Variants in HIP1 observed in about 807,000 individuals in gnomAD.
HIP1 encodes the protein huntingtin interacting protein 1.
Under a neutral mutation model 147.6 loss-of-function variants are expected in HIP1, and 65 were observed. The ratio of observed to expected loss-of-function variants is 0.44; its 90% confidence interval spans 0.36 to 0.54. The LOEUF is 0.54. Ranked by LOEUF, HIP1 falls within the 20% of genes least tolerant of loss-of-function variation. The pLI, the probability that HIP1 is intolerant of heterozygous loss-of-function variation, is 0.00. For missense variants in HIP1, 1,061 were observed against 1,299.6 expected (o/e 0.82, Z 2.82); for synonymous variants, 479 against 504.0 (o/e 0.95, Z 0.67).
intron 1 of HIP1, among the ~76,000 whole-genome samples, chr7:75,645,343 C>T (rs182706017): frequency 1.1e-3 from 171 of 152,254 alleles, no homozygotes; most frequent in Non-Finnish European, 1.3e-4. Flanking sequence ...TCTCCTGCCT[C>T]AGCCTCCCGA....
rs782165669 is a variant in HIP1, at chr7:75,536,382, A to G, written c.*1790T>C. 14 of 221,110 alleles carry G rather than the reference A, an allele frequency of 6.3e-5. No homozygotes were observed. The highest frequency in any genetic ancestry group is 1.1e-4 in the Non-Finnish European group (12 of 110,320). 13.7% of individuals were successfully genotyped at this position (221,110 alleles called of 1,614,324 possible). ...GCTAGGGAGATGGGGGTTGGTTCACAGTGATCAAACAGAAGTCTCACAACC... is the reference window on the plus strand; with the variant it reads ...GCTAGGGAGATGGGGGTTGGTTCACGGTGATCAAACAGAAGTCTCACAACC... On this transcript the variant is annotated 3_prime_UTR_variant, in exon 31 of 31. Transcript: ENST00000336926.
At chr7:75,567,675 C>T (rs1160715143) in intron 9 of HIP1, among the ~76,000 whole-genome samples, 2 of 147,802 alleles carry the variant, frequency 1.4e-5, no homozygotes, top group Admixed American at 1.3e-4. Context: ...GTGGTGTGTG[C>T]CTGTAGTCTC....
At chr7:75,684,230 G>A (rs1055319114) in intron 1 of HIP1, among the ~76,000 whole-genome samples, 5 of 151,624 alleles carry the variant, frequency 3.3e-5, no homozygotes, top group Non-Finnish European at 5.9e-5. Context: ...GTGGATCGCC[G>A]GAGCTTAGGA....
At chr7:75,615,949 G>T (rs1797637876) in intron 1 of HIP1, among the ~76,000 whole-genome samples, 1 of 151,452 alleles carries the variant, frequency 6.6e-6, no homozygotes, top group South Asian at 2.1e-4. Flanking sequence ...AGCTGGGTGT[G>T]ATGGTGCGCA....
Position 75,738,711 on chromosome 7 carries a change from C to A in HIP1, c.120+90G>T, listed in dbSNP as rs565155129. On this transcript the variant is annotated intron_variant, in intron 1 of 30. Transcript: ENST00000336926. ...ACCCTCGCCCCGTCTTCAACTGGGG[C>A]CTGCAAGACTCCTACTCCCTTCAAA... is the stretch of plus-strand genomic sequence containing the variant. 7 of 1,421,020 alleles carry A rather than the reference C, an allele frequency of 4.9e-6. No individual in the cohort carries two copies. In the African/African-American group the frequency reaches 7.2e-5, roughly 15 times the overall value. The allele number at this position is 1,421,020 out of a possible 1,614,324, so 88.0% of individuals were successfully genotyped here.
intron 1 of HIP1, among the ~76,000 whole-genome samples, chr7:75,681,596 TC>T (rs1249733606): frequency 6.8e-6 from 1 of 147,442 alleles, no homozygotes; most frequent in Non-Finnish European, 1.5e-5. Context: ...AGCCTCGACA[TC>T]CCAGGCTCAA....
At chr7:75,699,287 G>GT (rs1800741064) in intron 1 of HIP1, among the ~76,000 whole-genome samples, 1 of 152,006 alleles carries the variant, frequency 6.6e-6, no homozygotes, top group African/African-American at 2.4e-5. Context: ...TGAACAGGAT[G>GT]TTTTCTACTA....
chr7:75,664,251 TAC>T (rs1232970655), intron 1 of HIP1, among the ~76,000 whole-genome samples: 1 of 147,422 alleles, frequency 6.8e-6, no homozygotes. Context: ...ACATACTATA[TAC>T]ACACATATAT....
At chr7:75,663,288 A>G (rs1584930791) in intron 1 of HIP1, among the ~76,000 whole-genome samples, 4 of 152,196 alleles carry the variant, frequency 2.6e-5, no homozygotes, top group Admixed American at 2.6e-4. Context: ...AAACTCAAAG[A>G]CAGATCATTT....
At chr7:75,709,856 T>C (rs1801116245) in intron 1 of HIP1, among the ~76,000 whole-genome samples, 1 of 152,118 alleles carries the variant, frequency 6.6e-6, no homozygotes. Flanking sequence ...GATAGTTTCC[T>C]CTATTCCTAG....
chr7:75,538,082 A>G lies in HIP1; in HGVS notation c.*90T>C. On this transcript the variant is annotated 3_prime_UTR_variant, in exon 31 of 31. Transcript: ENST00000336926. Reference sequence around the variant, plus strand: ...TGGCAGTGGTGTGGCTGCCCCTGGGACTCCAAGGATTTGGCCTGTGGCTGG... The same window carrying G: ...TGGCAGTGGTGTGGCTGCCCCTGGGGCTCCAAGGATTTGGCCTGTGGCTGG... 1.9e-6 allele frequency: 2 copies of G among 1,037,284 alleles called. No homozygotes were observed. Among genetic ancestry groups the G allele is most frequent in the Non-Finnish European group, 3.1e-6 (2 of 654,370 alleles). The allele number at this position is 1,037,284 out of a possible 1,614,324, so 64.3% of individuals were successfully genotyped here.
chr7:75,737,092 T>C (rs1011785964), intron 1 of HIP1, among the ~76,000 whole-genome samples: 1 of 152,064 alleles, frequency 6.6e-6, no homozygotes, highest in Non-Finnish European at 1.5e-5. Context: ...AGGATAATTT[T>C]AAAATTTTTT....
At chr7:75,601,622 A>AG (rs781793392) in intron 1 of HIP1, among the ~76,000 whole-genome samples, 2 of 108,540 alleles carry the variant, frequency 1.8e-5, no homozygotes, top group African/African-American at 5.9e-5. Context: ...ACAACAAAAA[A>AG]AAAAAGAAAA....
chr7:75,555,025 C>A (rs1449654905), intron 19 of HIP1, among the ~76,000 whole-genome samples: 3 of 151,688 alleles, frequency 2.0e-5, no homozygotes, highest in Non-Finnish European at 4.4e-5. Context: ...GAGCAACAAA[C>A]CGAAACCAAA....
chr7:75,552,946 C>CT (rs1277559303), intron 22 of HIP1, among the ~76,000 whole-genome samples: 14 of 141,780 alleles, frequency 9.9e-5, no homozygotes, highest in South Asian at 2.3e-4. Flanking sequence ...TCAAGTGATC[C>CT]TTTTTTTTTT....
chr7:75,549,054 C>T, intron 22 of HIP1, 53 bp from the exon 23 acceptor site: 1 of 1,260,850 alleles, frequency 7.9e-7, no homozygotes, highest in South Asian at 1.2e-5. Flanking sequence ...TGTCTCTTCT[C>T]CTCTGCCATC....
intron 1 of HIP1, among the ~76,000 whole-genome samples, chr7:75,599,885 G>C (rs183651546): frequency 1.3e-5 from 2 of 148,836 alleles, no homozygotes; most frequent in East Asian, 2.0e-4. Flanking sequence ...ACCCAGGCTG[G>C]AGTGCAGTGG....
chr7:75,648,712 G>A (rs183276713), intron 1 of HIP1, among the ~76,000 whole-genome samples: 1 of 152,138 alleles, frequency 6.6e-6, no homozygotes, highest in Non-Finnish European at 1.5e-5. Context: ...CTTCAAGAAG[G>A]GGGCAAGGAG....
chr7:75,602,685 A>G (rs587615504), intron 1 of HIP1, among the ~76,000 whole-genome samples: 4 of 150,910 alleles, frequency 2.7e-5, no homozygotes, highest in African/African-American at 9.7e-5. Context: ...ATGTTCTTAA[A>G]TTCATATCTC....
Sources: allele counts gnomAD v4.1 joint callset (sites outside exome capture counted in the v4.1 genomes callset), GRCh38; gene constraint gnomAD v4.1.1; transcripts MANE v1.5; gene names NCBI Gene and HGNC (gene_info 2026-07-23, HGNC 2026-07-21).